ATRIP: variants seen among roughly 807,000 people sequenced by gnomAD.
ATRIP encodes ATR-interacting protein.
Under a neutral mutation model 78.1 loss-of-function variants are expected in ATRIP, and 44 were observed. The ratio of observed to expected loss-of-function variants is 0.56; its 90% CI spans 0.44 to 0.72. The LOEUF (loss-of-function observed/expected upper bound fraction) is 0.72, where lower values mean the gene tolerates loss of function less well. ATRIP is among the 30% of genes least tolerant of loss of function. The pLI is 0.00. For missense variants in ATRIP, 927 were observed against 980.2 expected (o/e 0.95, Z 0.72); for synonymous variants, 388 against 408.9 (o/e 0.95, Z 0.62).
Position 48,463,751 on chromosome 3 carries a change from G to T in ATRIP, c.1752G>T (p.Gln584His). 1 of 1,614,116 alleles carries T rather than the reference G, an allele frequency of 6.2e-7. No homozygotes were observed. The highest frequency in any genetic ancestry group is 1.1e-5 in the South Asian group (1 of 91,090). ...NTSCDFLPRF[Q>H]CVFQVLPKCL... ...CTGGGTCCCTGTCTTTTAGGTTCCA[G>T]TGTGTGTTCCAAGTGCTGCCAAAGT... Residue 584 changes from glutamine (Q) to histidine (H), a missense_variant, in exon 9 of 13, where the codon CAG becomes CAT. Coordinates refer to ENST00000320211, the MANE Select transcript of ATRIP (RefSeq NM_130384.3).
At chr3:48,454,192 A>G (rs956026225) in intron 3 of ATRIP, 108 bp from the exon 4 acceptor site, 5 of 675,950 alleles carry the variant, frequency 7.4e-6, no homozygotes, top group South Asian at 5.1e-5. Flanking sequence ...GCAGACTTTC[A>G]TATGTATTTT....
rs2039773727 is a variant in ATRIP at position 48,449,427 on chromosome 3, A to AAAT, written c.248-608_248-607insTAA. ...AGACTCTGTCTCAAAAAAAAAAAAA[A>AAAT]AAAAAAAGAAGGATCATTTATGAGT... is the stretch of plus-strand genomic sequence containing the variant. On this transcript the variant is annotated intron_variant, in intron 1 of 12. Transcript: ENST00000320211. Among the ~76,000 whole-genome samples, 3 of 150,552 alleles carry AAAT rather than the reference A, an allele frequency of 2.0e-5. No individual in the cohort carries two copies. The East Asian group carries it at 5.9e-4, about 29-fold the overall frequency.
At position 48,447,002 on chromosome 3, in the gene ATRIP, G is replaced by A. The variant is rs759709434; in HGVS notation, c.157G>A (p.Gly53Arg). Residue 53 changes from glycine (G) to arginine (R), a missense_variant, in exon 1 of 13, where the codon GGG becomes AGG. Gly to Arg is a moderately radical substitution (Grantham distance 125, BLOSUM62 -2). Transcript: ENST00000320211. ...PDPDDPFGAH[G>R]DFTADDLEEL... is the part of the protein sequence containing the mutation. ...CCCTGACGACCCGTTCGGCGCGCATGGGGACTTCACTGCCGACGACCTGGA... is the reference window on the plus strand; with the variant it reads ...CCCTGACGACCCGTTCGGCGCGCATAGGGACTTCACTGCCGACGACCTGGA... The A allele has an allele frequency of 6.3e-7, 1 of 1,579,926 alleles. No individual in the cohort carries two copies. The highest frequency in any genetic ancestry group is 1.8e-5 in the Admixed American group (1 of 55,626).
rs774930814 is a variant in ATRIP, at chr3:48,464,987, A to G, written c.2212A>G (p.Met738Val). 7 of 1,614,106 alleles carry G rather than the reference A, an allele frequency of 4.3e-6. No individual in the cohort carries two copies. The South Asian group carries it at 7.7e-5, about 18-fold the overall frequency. Residue 738 changes from methionine (M) to valine (V), a missense_variant, in exon 12 of 13, where the codon ATG becomes GTG. Transcript: ENST00000320211. ...HGLSQKDKLFMMHCVEVLHQF... is the reference protein window; with the variant it reads ...HGLSQKDKLFVMHCVEVLHQF... ...CCTATCGCAGAAGGACAAGCTCTTC[A>G]TGATGCACTGCGTGGAGGTCCTGCA...
At chr3:48,460,853 A>G in intron 8 of ATRIP, 54 bp downstream of exon 8, 1 of 1,482,508 alleles carries the variant, frequency 6.7e-7, no homozygotes, top group South Asian at 1.3e-5. Context: ...TGACCTCTTA[A>G]GGTCTAACCC....
intron 9 of ATRIP, 36 bp from the exon 10 acceptor site, chr3:48,464,005 G>A: frequency 6.2e-7 from 1 of 1,608,530 alleles, no homozygotes; most frequent in South Asian, 1.1e-5. Flanking sequence ...TTATGAGAAA[G>A]GGCACCCTGA....
Position 48,460,185 on chromosome 3 carries a change from A to G in ATRIP, c.1131A>G (p.Glu377=), listed in dbSNP as rs530072293. 1.2e-6 allele frequency: 2 copies of G among 1,614,112 alleles called. No individual in the cohort carries two copies. The highest frequency in any genetic ancestry group is 1.1e-5 in the South Asian group (1 of 91,086). ...DGSFSLSALR[E]AQNLAFTGLN... ...CATTTTCCCTCTCAGCCCTGAGAGA[A>G]GCACAGAACCTGGCATTCACTGGAC... Residue 377 remains glutamate (E), a synonymous_variant, in exon 8 of 13, where the codon GAA becomes GAG. Coordinates refer to ENST00000320211, the MANE Select transcript of ATRIP (RefSeq NM_130384.3).
At position 48,460,798 on chromosome 3, in the gene ATRIP, A is replaced by G. The variant is rs1218193741; in HGVS notation, c.1744A>G (p.Arg582Gly). 2 of 1,594,140 alleles carry G rather than the reference A, an allele frequency of 1.3e-6. No homozygotes were observed. The highest frequency in any genetic ancestry group is 1.7e-5 in the Admixed American group (1 of 59,332). Reference protein sequence around the residue: ...AENTSCDFLPRFQCVFQVLPK... With the variant: ...AENTSCDFLPGFQCVFQVLPK... ...AAACACTTCCTGTGATTTCTTGCCC[A>G]GGTATTAAGCTGCATAGGAGTCATG... The change falls in exon 8 of 13, where the codon AGG becomes GGG. Residue 582 changes from arginine (R) to glycine (G), a missense_variant and splice_region_variant. Physicochemically the swap from Arg to Gly is moderately radical, Grantham distance 125. Transcript: ENST00000320211.
chr3:48,466,481 C>G lies in ATRIP; in HGVS notation c.*927C>G. 6.2e-7 allele frequency: 1 copy of G among 1,613,972 alleles called. No individual in the cohort carries two copies. The highest frequency in any genetic ancestry group is 8.5e-7 in the Non-Finnish European group (1 of 1,180,016). On this transcript the variant is annotated 3_prime_UTR_variant, in exon 13 of 13. Coordinates refer to ENST00000320211, the MANE Select transcript of ATRIP (RefSeq NM_130384.3). ...AAACCACCTCACCCTCTCCAACTTC[C>G]TGCCTGAAAATGGGCCCTGGAGCTC...
intron 10 of ATRIP, 152 bp from the exon 11 acceptor site, chr3:48,464,430 C>A: frequency 2.2e-6 from 2 of 919,324 alleles, no homozygotes; most frequent in Non-Finnish European, 3.4e-6. Flanking sequence ...TGTCCTGGGT[C>A]TTCCCTGGGA....
At chr3:48,448,280 ACCTCCCGAGTAGCCTCAG>A (rs1168279820) in intron 1 of ATRIP, among the ~76,000 whole-genome samples, 2 of 150,832 alleles carry the variant, frequency 1.3e-5, no homozygotes, top group African/African-American at 4.9e-5. Flanking sequence ...TCTTGCCTCA[ACCTCCCGAGTAGCCTCAG>A]CCTCCCAAGT....
Position 48,451,624 on chromosome 3 carries a change from CTG to C in ATRIP, c.382-103_382-102del, listed in dbSNP as rs919950726. On this transcript the variant is annotated intron_variant, in intron 2 of 12. Transcript: ENST00000320211. ...GGATATATTTTGAGTACTCATTTGT[CTG>C]TTTTTCCTGTGCTTTCTCCATCTCC... 4.8e-5 allele frequency: 45 copies of C among 946,360 alleles called. No individual in the cohort carries two copies. The African/African-American group carries it at 7.1e-4, about 15-fold the overall frequency. 58.6% of individuals were successfully genotyped at this position (946,360 alleles called of 1,614,324 possible).
Position 48,460,345 on chromosome 3 carries a change from T to C in ATRIP, c.1291T>C (p.Cys431Arg). The C allele has an allele frequency of 1.9e-6, 3 of 1,613,342 alleles. No individual in the cohort carries two copies. The South Asian group carries it at 3.3e-5, about 18-fold the overall frequency. Reference protein sequence around the residue: ...PLVQFFIGLHCQALQDLAAAK... With the variant: ...PLVQFFIGLHRQALQDLAAAK... ...TGTACAGTTCTTCATCGGCTTACAC[T>C]GCCAGGCCCTGCAGGACTTGGCAGC... Residue 431 changes from cysteine (C) to arginine (R), a missense_variant, in exon 8 of 13, where the codon TGC becomes CGC. Transcript: ENST00000320211.
rs1454039999 is a variant in ATRIP, at chr3:48,467,068, TG to T, written c.*1516del. The T allele has an allele frequency of 6.2e-7, 1 of 1,613,862 alleles. No individual in the cohort carries two copies. Reference sequence around the variant, plus strand: ...GACTTCCCCCTGCTCCAAGCAGAGCTGGCTATGCTGGGCCTCACCAGTGCTC... The same window carrying T: ...GACTTCCCCCTGCTCCAAGCAGAGCTGCTATGCTGGGCCTCACCAGTGCTC... On this transcript the variant is annotated 3_prime_UTR_variant, in exon 13 of 13. Transcript: ENST00000320211.
Position 48,464,942 on chromosome 3 carries a change from A to G in ATRIP, c.2167A>G (p.Thr723Ala). The G allele has an allele frequency of 1.2e-6, 2 of 1,614,172 alleles. No individual in the cohort carries two copies. The highest frequency in any genetic ancestry group is 1.7e-6 in the Non-Finnish European group (2 of 1,180,026). The part of the protein sequence containing the change: ...QRRTVRCLRD[T>A]VLLLHGLSQK... ...GCGGACAGTGCGCTGTCTGCGGGACACGGTGCTGCTGCTGCACGGCCTATC... is the reference window on the plus strand; with the variant it reads ...GCGGACAGTGCGCTGTCTGCGGGACGCGGTGCTGCTGCTGCACGGCCTATC... The change falls in exon 12 of 13, where the codon ACG becomes GCG. Residue 723 changes from threonine to alanine, a missense_variant. Transcript: ENST00000320211.
At chr3:48,450,382 T>A in intron 2 of ATRIP, 1 of 1,005,638 alleles carries the variant, frequency 9.9e-7, no homozygotes, top group Non-Finnish European at 1.4e-6. Flanking sequence ...AAAAACACTG[T>A]ATACCAGATC....
rs760515212 is a variant in ATRIP, at chr3:48,459,883, C to T, written c.1022C>T (p.Ala341Val). 2.5e-6 allele frequency: 4 copies of T among 1,614,046 alleles called. No homozygotes were observed. In the South Asian group the frequency reaches 4.4e-5, roughly 18 times the overall value. ...CTGAGTAGTAGTTCTGAGTCTCCTG[C>T]TGGCACCCCCCTGCAGCCACCAGGG... ...HLLSSSSESP[A>V]GTPLQPPGFG... is the part of the protein sequence containing the mutation. The change falls in exon 7 of 13, where the codon GCT (alanine) becomes GTT (valine). Residue 341 changes from alanine to valine, a missense_variant. Physicochemically the swap from Ala to Val is moderately conservative, Grantham distance 64. Coordinates refer to ENST00000320211, the MANE Select transcript of ATRIP (RefSeq NM_130384.3).
chr3:48,462,717 C>A (rs1265197644), intron 8 of ATRIP, among the ~76,000 whole-genome samples: 1 of 152,026 alleles, frequency 6.6e-6, no homozygotes, highest in East Asian at 1.9e-4. Flanking sequence ...AAAAAAAGTT[C>A]TTAACGCTAT....
chr3:48,459,601 T>TTA, intron 6 of ATRIP, 147 bp downstream of exon 6: 1 of 1,142,462 alleles, frequency 8.8e-7, no homozygotes, highest in Non-Finnish European at 1.3e-6. Flanking sequence ...GCAGAAGACT[T>TTA]TATAAAGTGG....
Sources: allele counts gnomAD v4.1 joint callset (sites outside exome capture counted in the v4.1 genomes callset), GRCh38; gene constraint gnomAD v4.1.1; transcripts MANE v1.5; gene names NCBI Gene and HGNC (gene_info 2026-07-23, HGNC 2026-07-21).